Variants in TBC1D22B observed in about 807,000 individuals in gnomAD.
The protein encoded by TBC1D22B is chromosome 6 open reading frame 197.
Under a neutral mutation model 69.1 loss-of-function variants are expected in TBC1D22B, and 32 were observed. The ratio of observed to expected loss-of-function variants is 0.46; its 90% CI spans 0.35 to 0.62. The LOEUF is 0.62. Ranked by LOEUF, TBC1D22B falls within the 20% of genes least tolerant of loss-of-function variation. TBC1D22B has a pLI of 0.00. For missense variants in TBC1D22B, 462 were observed against 630.9 expected (o/e 0.73, Z 2.87); for synonymous variants, 206 against 229.8 (o/e 0.90, Z 0.94).
chr6:37,284,502 A>G (rs762689048), intron 6 of TBC1D22B, 38 bp downstream of exon 6: 4 of 1,533,184 alleles, frequency 2.6e-6, no homozygotes, highest in Non-Finnish European at 3.5e-6. Flanking sequence ...CTTACCAGTC[A>G]TATACTTTAG....
At chr6:37,292,636 G>A (rs1295860958) in intron 8 of TBC1D22B, among the ~76,000 whole-genome samples, 2 of 152,184 alleles carry the variant, frequency 1.3e-5, no homozygotes, top group Non-Finnish European at 2.9e-5. Context: ...ATGAGCCTAG[G>A]ATGGTATTAA....
intron 11 of TBC1D22B, 114 bp downstream of exon 11, chr6:37,316,944 C>T: frequency 6.4e-7 from 1 of 1,559,040 alleles, no homozygotes; most frequent in South Asian, 1.2e-5. Flanking sequence ...TTTTCTACTT[C>T]CATGTCTGCT....
chr6:37,317,253 G>T, intron 12 of TBC1D22B, 47 bp downstream of exon 12: 1 of 1,530,522 alleles, frequency 6.5e-7, no homozygotes, highest in South Asian at 1.2e-5. Flanking sequence ...ACATTAGAAT[G>T]GGAGTTAGCC....
chr6:37,282,426 G>C, intron 4 of TBC1D22B, 62 bp downstream of exon 4: 1 of 1,490,574 alleles, frequency 6.7e-7, no homozygotes, highest in East Asian at 2.3e-5. Flanking sequence ...TCAGAGACCT[G>C]GAAGCTACTG....
chr6:37,267,759 C>T (rs1342054857), intron 1 of TBC1D22B, among the ~76,000 whole-genome samples: 1 of 151,724 alleles, frequency 6.6e-6, no homozygotes, highest in South Asian at 2.1e-4. Context: ...TATTATTTTT[C>T]TTGGTTTTAT....
chr6:37,258,007 G>A, intron 1 of TBC1D22B, 34 bp downstream of exon 1: 19 of 1,609,150 alleles, frequency 1.2e-5, no homozygotes, highest in Non-Finnish European at 1.6e-5. Flanking sequence ...ATAGGGGATT[G>A]GACCAAACCC....
intron 8 of TBC1D22B, among the ~76,000 whole-genome samples, chr6:37,301,361 C>T (rs1767567352): frequency 6.6e-6 from 1 of 152,150 alleles, no homozygotes; most frequent in African/African-American, 2.4e-5. Context: ...TTTATCACCC[C>T]AGAAAGAACA....
At chr6:37,269,554 A>ATTT in intron 1 of TBC1D22B, 40 bp from the exon 2 acceptor site, 1 of 1,599,132 alleles carries the variant, frequency 6.3e-7, no homozygotes, top group Non-Finnish European at 8.6e-7. Context: ...TTAGTTTCCT[A>ATTT]ACTAAACTAA....
intron 8 of TBC1D22B, among the ~76,000 whole-genome samples, chr6:37,297,047 G>A (rs1767404924): frequency 6.6e-6 from 1 of 152,026 alleles, no homozygotes; most frequent in East Asian, 1.9e-4. Flanking sequence ...GGCTGGTCCT[G>A]AACTCCTGGA....
In TBC1D22B at chr6:37,325,588, C is replaced by T. The variant is rs182113400; in HGVS notation, c.1390-5456C>T. 6.8e-3 allele frequency among the ~76,000 whole-genome samples: 891 copies of T among 130,100 alleles called. 11 individuals carry two copies. Among genetic ancestry groups the T allele is most frequent in the African/African-American group, 0.023 (784 of 34,608 alleles). The allele number at this position is 130,100 out of a possible 152,430, so 85.4% of individuals were successfully genotyped here. On this transcript the variant is annotated intron_variant, in intron 12 of 12. Coordinates refer to ENST00000373491, the MANE Select transcript of TBC1D22B (RefSeq NM_017772.4). ...TTTTTGAGATGGAGTCTCACTGTGTCGCCCAGGCTGGAGTGCAGTGGCACA... is the reference window on the plus strand; with the variant it reads ...TTTTTGAGATGGAGTCTCACTGTGTTGCCCAGGCTGGAGTGCAGTGGCACA...
chr6:37,331,288 A>G lies in TBC1D22B; in HGVS notation c.*116A>G, dbSNP rs1454714624. On this transcript the variant is annotated 3_prime_UTR_variant, in exon 13 of 13. Coordinates refer to ENST00000373491, the MANE Select transcript of TBC1D22B (RefSeq NM_017772.4). ...GAACCACTCCTGTTGTACAAAGCTCACACCCACCGCCCAGGTCTTAACTTT... is the reference window on the plus strand; with the variant it reads ...GAACCACTCCTGTTGTACAAAGCTCGCACCCACCGCCCAGGTCTTAACTTT... 9.4e-7 allele frequency: 1 copy of G among 1,066,892 alleles called. No homozygotes were observed. The highest frequency in any genetic ancestry group is 2.4e-5 in the East Asian group (1 of 41,676). The allele number at this position is 1,066,892 out of a possible 1,614,324, so 66.1% of individuals were successfully genotyped here. A position where few individuals can be genotyped will look rare whatever the true frequency, so the allele number is the denominator to read the frequency against.
intron 8 of TBC1D22B, among the ~76,000 whole-genome samples, chr6:37,293,087 T>TTA (rs1767242234): frequency 2.7e-5 from 4 of 149,356 alleles, no homozygotes; most frequent in African/African-American, 1.0e-4. Flanking sequence ...TATTATTATT[T>TTA]TTTTTTTTGA....
chr6:37,277,447 C>T (rs1481757212), intron 2 of TBC1D22B, among the ~76,000 whole-genome samples: 2 of 150,404 alleles, frequency 1.3e-5, no homozygotes, highest in African/African-American at 4.9e-5. Context: ...GATTTGGGTA[C>T]TTGTCTCCTA....
intron 1 of TBC1D22B, among the ~76,000 whole-genome samples, chr6:37,258,901 A>G (rs564193839): frequency 8.7e-5 from 13 of 149,224 alleles, no homozygotes; most frequent in Admixed American, 4.0e-4. Context: ...CCCCTGTGCT[A>G]CCTTTTCTAA....
intron 1 of TBC1D22B, 100 bp from the exon 2 acceptor site, chr6:37,269,494 A>G: frequency 9.1e-7 from 1 of 1,097,720 alleles, no homozygotes; most frequent in East Asian, 2.5e-5. Context: ...TAACCTATTT[A>G]TCAAAGTCTC....
chr6:37,300,195 C>G (rs997886098), intron 8 of TBC1D22B, among the ~76,000 whole-genome samples: 1 of 151,590 alleles, frequency 6.6e-6, no homozygotes. Flanking sequence ...AATAATACAC[C>G]ATCTTTTCAC....
At chr6:37,307,429 C>T (rs1367596684) in intron 8 of TBC1D22B, among the ~76,000 whole-genome samples, 1 of 150,516 alleles carries the variant, frequency 6.6e-6, no homozygotes, top group African/African-American at 2.4e-5. Flanking sequence ...AATCTCGGCT[C>T]ACTGCAATTT....
Position 37,332,527 on chromosome 6 carries a change from C to T in TBC1D22B, c.*1355C>T, listed in dbSNP as rs1294103130. On this transcript the variant is annotated 3_prime_UTR_variant, in exon 13 of 13. Transcript: ENST00000373491. ...GGGGCTCTTCTCAGAGAGCAGCACT[C>T]CATATCCCTTACTGTCACCTTCACT... 6.6e-6 allele frequency: 1 copy of T among 152,646 alleles called. No homozygotes were observed. 9.5% of individuals were successfully genotyped at this position (152,646 alleles called of 1,614,324 possible).
intron 2 of TBC1D22B, among the ~76,000 whole-genome samples, chr6:37,273,910 C>T (rs1430856699): frequency 6.6e-6 from 1 of 152,218 alleles, no homozygotes; most frequent in East Asian, 1.9e-4. Context: ...AGTTAATACA[C>T]ATTGCAGCAG....
Sources: gnomAD v4.1 joint callset for allele counts (sites outside exome capture counted in the v4.1 genomes callset) on GRCh38, gnomAD v4.1.1 for gene constraint, MANE v1.5 for transcripts, NCBI Gene and HGNC (gene_info 2026-07-23, HGNC 2026-07-21) for gene names.